The following RAD54B variants were observed in gnomAD, a reference collection of about 807,000 sequenced individuals.
The protein encoded by RAD54B is DNA repair and recombination protein RAD54B.
In RAD54B, 78 loss-of-function variants were observed where a neutral mutation model predicts 95.8. The observed-to-expected ratio is 0.81, with a 90% CI of 0.68 to 0.98. The LOEUF (loss-of-function observed/expected upper bound fraction) is 0.98. Ranked by LOEUF, RAD54B falls within the 50% of genes least tolerant of loss-of-function variation. RAD54B has a pLI of 0.00. For synonymous variants in RAD54B, 328 were observed against 354.9 expected, an observed-to-expected ratio of 0.92 and a Z score of 0.85; for missense variants, 957 against 1,056.6, an observed-to-expected ratio of 0.91 and a Z score of 1.31.
intron 3 of RAD54B, among the ~76,000 whole-genome samples, chr8:94,426,245 G>A (rs1358694089): frequency 6.7e-6 from 1 of 149,628 alleles, no homozygotes; most frequent in African/African-American, 2.5e-5. Context: ...GAGCCACTGT[G>A]CCCAGCCTTT....
chr8:94,437,016 C>T (rs150573111), intron 3 of RAD54B: 16 of 1,379,442 alleles, frequency 1.2e-5, no homozygotes, highest in Non-Finnish European at 1.4e-5. Context: ...TATTAAAATT[C>T]CTCCAGCTTA....
intron 11 of RAD54B, among the ~76,000 whole-genome samples, chr8:94,384,253 T>C (rs1586123064): frequency 6.6e-6 from 1 of 152,276 alleles, no homozygotes; most frequent in East Asian, 1.9e-4. Context: ...ACCCAAGTGT[T>C]CAGCAATAGA....
chr8:94,408,599 A>C (rs1811450207), intron 4 of RAD54B, among the ~76,000 whole-genome samples: 1 of 152,120 alleles, frequency 6.6e-6, no homozygotes, highest in African/African-American at 2.4e-5. Context: ...AACTGGCCTA[A>C]AATTTATAAT....
At chr8:94,466,704 G>A (rs752790504) in intron 2 of RAD54B, among the ~76,000 whole-genome samples, 13 of 152,204 alleles carry the variant, frequency 8.5e-5, no homozygotes, top group Admixed American at 5.2e-4. Flanking sequence ...ACTGCACCCA[G>A]CCAGTATTCA....
At chr8:94,413,982 C>A (rs1811592498) in intron 3 of RAD54B, among the ~76,000 whole-genome samples, 1 of 151,714 alleles carries the variant, frequency 6.6e-6, no homozygotes, top group Non-Finnish European at 1.5e-5. Context: ...ATTACAGGCG[C>A]CCACCACCAT....
intron 2 of RAD54B, 77 bp downstream of exon 2, chr8:94,467,328 T>A: frequency 7.8e-7 from 1 of 1,279,220 alleles, no homozygotes; most frequent in Middle Eastern, 2.3e-4. Flanking sequence ...AAAATACTGT[T>A]AACTCTTTAA....
intron 10 of RAD54B, 57 bp from the exon 11 acceptor site, chr8:94,387,216 G>C: frequency 1.5e-6 from 2 of 1,369,824 alleles, no homozygotes; most frequent in South Asian, 3.2e-5. Context: ...AATTAGGAGG[G>C]GAAAATGCTA....
intron 1 of RAD54B, among the ~76,000 whole-genome samples, chr8:94,468,321 T>G (rs1228606534): frequency 6.6e-6 from 1 of 152,056 alleles, no homozygotes; most frequent in Admixed American, 6.6e-5. Context: ...CGCCTCACTT[T>G]CTCTTGCTGC....
At chr8:94,474,640 C>A (rs979730010) in intron 1 of RAD54B, among the ~76,000 whole-genome samples, 3 of 152,202 alleles carry the variant, frequency 2.0e-5, no homozygotes, top group African/African-American at 7.2e-5. Flanking sequence ...CACCCCCTGG[C>A]CCTGGGGAAG....
Position 94,467,467 on chromosome 8 carries a change from T to C in RAD54B, c.73A>G (p.Arg25Gly), listed in dbSNP as rs781393802. The C allele has an allele frequency of 1.2e-6, 2 of 1,613,748 alleles. No individual in the cohort carries two copies. The highest frequency in any genetic ancestry group is 1.1e-5 in the South Asian group (1 of 91,072). Residue 25 changes from arginine to glycine, a missense_variant, in exon 2 of 15, where the codon AGA (arginine) becomes GGA (glycine). By Grantham distance (125) the Arg-to-Gly change is moderately radical (BLOSUM62 -2). Coordinates refer to ENST00000336148, the MANE Select transcript of RAD54B (RefSeq NM_012415.3). ...FKKPKFIPPG[R>G]SNPGLNEEIT... ...TCTTCATTCAGACCTGGATTACTTCTTCCTGGAGGTATAAATTTTGGTTTT... is the reference window on the plus strand; with the variant it reads ...TCTTCATTCAGACCTGGATTACTTCCTCCTGGAGGTATAAATTTTGGTTTT...
At chr8:94,470,194 C>T (rs6999976) in intron 1 of RAD54B, among the ~76,000 whole-genome samples, 48,182 of 152,042 alleles carry the variant, frequency 0.32, 8,137 homozygotes, top group East Asian at 0.43. Context: ...CACAGTGGCT[C>T]GCACGCATGT....
At chr8:94,382,207 A>G (rs1350796548) in intron 11 of RAD54B, among the ~76,000 whole-genome samples, 4 of 152,136 alleles carry the variant, frequency 2.6e-5, no homozygotes, top group Non-Finnish European at 4.4e-5. Flanking sequence ...CAGCTCAATT[A>G]ATGAGGACTC....
At chr8:94,380,638 A>C (rs1810717573) in intron 11 of RAD54B, among the ~76,000 whole-genome samples, 2 of 152,236 alleles carry the variant, frequency 1.3e-5, no homozygotes, top group African/African-American at 4.8e-5. Context: ...CATCTCTCTG[A>C]GGTTCACTCT....
chr8:94,381,566 GCTAT>G (rs1810741766), intron 11 of RAD54B, among the ~76,000 whole-genome samples: 1 of 152,068 alleles, frequency 6.6e-6, no homozygotes, highest in Non-Finnish European at 1.5e-5. Context: ...TCAAACAAGA[GCTAT>G]CTATCCTTCA....
chr8:94,409,415 G>A (rs1395843063), intron 4 of RAD54B, among the ~76,000 whole-genome samples: 1 of 151,510 alleles, frequency 6.6e-6, no homozygotes, highest in African/African-American at 2.4e-5. Flanking sequence ...CTCCAGCCCA[G>A]GCTGGAGTGC....
At chr8:94,437,011 A>G in intron 3 of RAD54B, 2 of 1,381,408 alleles carry the variant, frequency 1.4e-6, no homozygotes, top group Non-Finnish European at 1.9e-6. Context: ...GGGTTTATTA[A>G]AATTCCTCCA....
At chr8:94,374,550 A>G (rs979040145) in intron 14 of RAD54B, among the ~76,000 whole-genome samples, 1 of 152,230 alleles carries the variant, frequency 6.6e-6, no homozygotes, top group African/African-American at 2.4e-5. Context: ...TACCTAAAAC[A>G]TAAGAACACA....
chr8:94,449,171 T>C (rs1812594178), intron 3 of RAD54B, among the ~76,000 whole-genome samples: 2 of 151,734 alleles, frequency 1.3e-5, no homozygotes, highest in African/African-American at 2.4e-5. Context: ...TATTAGGTCT[T>C]ATACCACACC....
chr8:94,429,622 A>G (rs1001713426), intron 3 of RAD54B: 1 of 983,698 alleles, frequency 1.0e-6, no homozygotes, highest in Admixed American at 6.1e-5. Flanking sequence ...TACTAGAATT[A>G]TACTGGGAAA....
Sources: gnomAD v4.1 joint callset for allele counts (sites outside exome capture counted in the v4.1 genomes callset) on GRCh38, gnomAD v4.1.1 for gene constraint, MANE v1.5 for transcripts, NCBI Gene and HGNC (gene_info 2026-07-23, HGNC 2026-07-21) for gene names.